SLC36A1: variants seen among roughly 807,000 people sequenced by gnomAD.
SLC36A1 encodes proton-coupled amino acid transporter 1.
A neutral mutation model predicts 47.5 loss-of-function variants in SLC36A1; 30 were observed. The ratio of observed to expected loss-of-function variants is 0.63; its 90% confidence interval spans 0.47 to 0.86. The LOEUF (loss-of-function observed/expected upper bound fraction) is 0.86. SLC36A1 is among the 40% of genes least tolerant of loss of function. The probability of loss-of-function intolerance (pLI) is 0.00; values close to 1 mark genes in which losing one functional copy is unlikely to be tolerated. For synonymous variants in SLC36A1, 255 were observed against 249.7 expected (o/e 1.02, Z -0.20); for missense variants, 517 against 606.0 (o/e 0.85, Z 1.54).
At chr5:151,542,150 C>G in the SLC36A1 span, 5 of 748,824 alleles carry the variant, frequency 6.7e-6, no homozygotes, top group Non-Finnish European at 1.1e-5. Flanking sequence ...AACTGAGGTC[C>G]TAGGGGGTTA....
the SLC36A1 span, chr5:151,534,359 A>G: frequency 4.1e-6 from 6 of 1,463,768 alleles, no homozygotes; most frequent in South Asian, 2.6e-5. Context: ...CCCTTGCCCA[A>G]GGTGACCCAG....
the SLC36A1 span, among the ~76,000 whole-genome samples, chr5:151,415,428 C>G: frequency 6.6e-6 from 1 of 152,086 alleles, no homozygotes; most frequent in Non-Finnish European, 1.5e-5. Context: ...TGAGCTCTTT[C>G]CACCTCACAG....
At chr5:151,361,445 T>C in the SLC36A1 span, among the ~76,000 whole-genome samples, 1 of 152,244 alleles carries the variant, frequency 6.6e-6, no homozygotes, top group African/African-American at 2.4e-5. Context: ...AAGAACATTT[T>C]AGTGCCCAGA....
the SLC36A1 span, among the ~76,000 whole-genome samples, chr5:151,350,741 G>C: frequency 6.6e-5 from 10 of 152,116 alleles, no homozygotes; most frequent in East Asian, 1.7e-3. Context: ...TCACTCCATT[G>C]CCCAGGCTGG....
At chr5:151,520,545 G>T in the SLC36A1 span, among the ~76,000 whole-genome samples, 1 of 152,224 alleles carries the variant, frequency 6.6e-6, no homozygotes, top group Non-Finnish European at 1.5e-5. Flanking sequence ...GCTACCACGG[G>T]AATGACAGTC....
At chr5:151,543,047 G>T in the SLC36A1 span, 4 of 1,614,184 alleles carry the variant, frequency 2.5e-6, no homozygotes, top group East Asian at 2.2e-5. Context: ...GTATACAAAG[G>T]TTCAGAAAAT....
At chr5:151,372,572 T>C in the SLC36A1 span, among the ~76,000 whole-genome samples, 1 of 152,144 alleles carries the variant, frequency 6.6e-6, no homozygotes, top group Non-Finnish European at 1.5e-5. Context: ...GCCTCCTAAG[T>C]AGCTAGGACT....
rs367905880 is a variant in SLC36A1 at position 151,467,719 on chromosome 5, G to T, written c.517G>T (p.Ala173Ser). ...ADNFKQVIEA[A>S]NGTTNNCHNN... ...CCCCTCATTCTAGGTGATAGAAGCGGCCAATGGGACCACCAATAACTGCCA... is the reference window on the plus strand; with the variant it reads ...CCCCTCATTCTAGGTGATAGAAGCGTCCAATGGGACCACCAATAACTGCCA... The change falls in exon 7 of 11, where the codon GCC becomes TCC. Residue 173 changes from alanine (A) to serine (S), a missense_variant. Physicochemically the swap from Ala to Ser is moderately conservative, Grantham distance 99. Coordinates refer to ENST00000243389, the MANE Select transcript of SLC36A1 (RefSeq NM_078483.4). The T allele has an allele frequency of 6.2e-7, 1 of 1,613,934 alleles. No homozygotes were observed. Among genetic ancestry groups the T allele is most frequent in the Non-Finnish European group, 8.5e-7 (1 of 1,179,938 alleles).
chr5:151,544,377 C>G, the SLC36A1 span: 2 of 1,614,174 alleles, frequency 1.2e-6, no homozygotes, highest in Admixed American at 3.3e-5. Context: ...AAAATGACCC[C>G]AGAGCTGTAT....
chr5:151,517,528 G>C, the SLC36A1 span: 559 of 1,489,770 alleles, frequency 3.8e-4, 5 homozygotes, highest in African/African-American at 6.8e-3. Flanking sequence ...TTCTTTGGCA[G>C]AAATGGGCTT....
chr5:151,467,936 AG>A lies in SLC36A1; in HGVS notation c.723+13del. 4 of 1,609,338 alleles carry A rather than the reference AG, an allele frequency of 2.5e-6. No homozygotes were observed. Among genetic ancestry groups the A allele is most frequent in the South Asian group, 2.2e-5 (2 of 90,954 alleles). Reference sequence around the variant, plus strand: ...CAGTTCATTGTTCAGGTACATGCCTAGGCCCTCTCCTATCATCTTGGTTCAA... The same window carrying A: ...CAGTTCATTGTTCAGGTACATGCCTAGCCCTCTCCTATCATCTTGGTTCAA... On this transcript the variant is annotated intron_variant, in intron 7 of 10. Coordinates refer to ENST00000243389, the MANE Select transcript of SLC36A1 (RefSeq NM_078483.4).
the SLC36A1 span, among the ~76,000 whole-genome samples, chr5:151,537,352 A>AG: frequency 2.0e-3 from 175 of 86,734 alleles, no homozygotes; most frequent in Middle Eastern, 8.8e-3. Context: ...AGAAAAGAAA[A>AG]AAGAAGGAAG....
the SLC36A1 span, among the ~76,000 whole-genome samples, chr5:151,546,770 A>G: frequency 9.6e-3 from 1,463 of 151,896 alleles, 21 homozygotes; most frequent in African/African-American, 0.034. Context: ...CCAGGCTGGA[A>G]TGTAGTGATG....
the SLC36A1 span, among the ~76,000 whole-genome samples, chr5:151,506,381 AC>A: frequency 6.6e-6 from 1 of 152,058 alleles, no homozygotes; most frequent in South Asian, 2.1e-4. Context: ...CATGCAACCC[AC>A]CCCCACAGCT....
At chr5:151,346,893 C>T in the SLC36A1 span, among the ~76,000 whole-genome samples, 34 of 152,240 alleles carry the variant, frequency 2.2e-4, no homozygotes, top group East Asian at 6.4e-3. Context: ...TCAGTGAGGC[C>T]ACTGTGGTTT....
At chr5:151,474,048 C>T (rs10067553) in intron 8 of SLC36A1, among the ~76,000 whole-genome samples, 9,697 of 150,686 alleles carry the variant, frequency 0.064, 982 homozygotes, top group African/African-American at 0.22. Context: ...TAATCCCAGC[C>T]ACTCGAGAGG....
the SLC36A1 span, among the ~76,000 whole-genome samples, chr5:151,393,649 C>T: frequency 2.9e-4 from 44 of 152,190 alleles, no homozygotes; most frequent in East Asian, 8.1e-3. Context: ...TTTTATTTCT[C>T]CTTCACTTAT....
In SLC36A1 at chr5:151,458,899, G is replaced by A; in HGVS notation, c.107G>A (p.Gly36Asp). The change falls in exon 2 of 11, where the codon GGC becomes GAC. Residue 36 changes from glycine to aspartate, a missense_variant. Coordinates refer to ENST00000243389, the MANE Select transcript of SLC36A1 (RefSeq NM_078483.4). ...GGCCTCAACAACCTCTCCTCCCCGG[G>A]CTCCTACCAGCGCTTTGGTCAAAGC... ...SEGLNNLSSP[G>D]SYQRFGQSNS... The A allele has an allele frequency of 6.2e-7, 1 of 1,613,716 alleles. No individual in the cohort carries two copies.
At chr5:151,379,977 GA>G in the SLC36A1 span, among the ~76,000 whole-genome samples, 245 of 142,030 alleles carry the variant, frequency 1.7e-3, no homozygotes, top group Middle Eastern at 0.014. Context: ...CAAGCAACTA[GA>G]AAAAAAAATT....
Sources: allele counts gnomAD v4.1 joint callset (sites outside exome capture counted in the v4.1 genomes callset), GRCh38; gene constraint gnomAD v4.1.1; transcripts MANE v1.5; gene names NCBI Gene and HGNC (gene_info 2026-07-23, HGNC 2026-07-21).